The following ZBTB20 variants were observed in gnomAD, a reference collection of about 807,000 sequenced individuals.
ZBTB20 encodes the protein zinc finger and BTB domain containing 20.
ZBTB20 carries 9 observed loss-of-function variants against 56.9 expected under a neutral mutation model. The observed-to-expected ratio is 0.16, with a 90% CI of 0.10 to 0.28. The LOEUF (loss-of-function observed/expected upper bound fraction) is 0.28, where lower values mean the gene tolerates loss of function less well. Ranked by LOEUF, ZBTB20 falls within the 10% of genes least tolerant of loss-of-function variation. The pLI, the probability that ZBTB20 is intolerant of heterozygous loss-of-function variation, is 1.00. For synonymous variants in ZBTB20, 417 were observed against 420.7 expected (o/e 0.99, Z 0.11); for missense variants, 655 against 1,003.0 (o/e 0.65, Z 4.69).
At position 115,015,119 on chromosome 3, in the gene ZBTB20, G is replaced by T. The variant is rs2079892502; in HGVS notation, c.-506-40703C>A. Among the ~76,000 whole-genome samples, 4 of 151,700 alleles carry T rather than the reference G, an allele frequency of 2.6e-5. No individual in the cohort carries two copies. In the South Asian group the frequency reaches 8.3e-4, roughly 31 times the overall value. The stretch of plus-strand genomic sequence containing the variant: ...AGATGCCCTATATGCTATGCAAGTA[G>T]AAATCATTGCTTATCATTTTAATGT... On this transcript the variant is annotated intron_variant, in intron 2 of 11. Transcript: ENST00000675478.
intron 5 of ZBTB20, among the ~76,000 whole-genome samples, 199 bp downstream of exon 5, chr3:114,800,902 A>G (rs768034724): frequency 2.6e-5 from 4 of 151,862 alleles, no homozygotes; most frequent in Non-Finnish European, 5.9e-5. Flanking sequence ...AGGATTCACA[A>G]TTTAGGTTGG....
At chr3:114,880,371 C>T (rs1200618347) in intron 4 of ZBTB20, among the ~76,000 whole-genome samples, 1 of 152,140 alleles carries the variant, frequency 6.6e-6, no homozygotes, top group Non-Finnish European at 1.5e-5. Flanking sequence ...CCTCTTCCCA[C>T]CTCTTTGTAT....
chr3:114,961,251 A>G (rs73857874), intron 3 of ZBTB20, among the ~76,000 whole-genome samples: 14,062 of 151,736 alleles, frequency 0.093, 1,916 homozygotes, highest in African/African-American at 0.3. Context: ...TCATAAGCCC[A>G]GGAAAAGGAT....
intron 1 of ZBTB20, among the ~76,000 whole-genome samples, chr3:115,125,249 A>C (rs2084294540): frequency 6.6e-6 from 1 of 152,082 alleles, no homozygotes; most frequent in Non-Finnish European, 1.5e-5. Context: ...AGGTTGAGAC[A>C]GGATGATCCC....
chr3:115,114,661 T>C (rs2083969364), intron 1 of ZBTB20, among the ~76,000 whole-genome samples: 2 of 152,114 alleles, frequency 1.3e-5, no homozygotes, highest in African/African-American at 4.8e-5. Context: ...TAGAAACTAG[T>C]TTTACAAATA....
intron 6 of ZBTB20, among the ~76,000 whole-genome samples, chr3:114,579,849 A>G (rs2054467512): frequency 6.6e-6 from 1 of 151,712 alleles, no homozygotes; most frequent in African/African-American, 2.4e-5. Context: ...AAAATTGACT[A>G]GAGAAGAATC....
At chr3:114,716,205 A>T (rs1251713620) in intron 5 of ZBTB20, among the ~76,000 whole-genome samples, 1 of 152,136 alleles carries the variant, frequency 6.6e-6, no homozygotes, top group Non-Finnish European at 1.5e-5. Context: ...AACATTTTGC[A>T]GTTCTCCTTA....
At chr3:115,092,594 A>G (rs934791374) in intron 1 of ZBTB20, among the ~76,000 whole-genome samples, 1 of 152,116 alleles carries the variant, frequency 6.6e-6, no homozygotes, top group African/African-American at 2.4e-5. Context: ...CAGCTTTGCC[A>G]TTAGGAAGTC....
At chr3:114,659,080 T>G (rs2060574522) in intron 6 of ZBTB20, among the ~76,000 whole-genome samples, 1 of 152,202 alleles carries the variant, frequency 6.6e-6, no homozygotes, top group African/African-American at 2.4e-5. Flanking sequence ...TATTTTGTTT[T>G]GCTTTTCTTT....
At chr3:114,839,782 A>G (rs1579101217) in intron 4 of ZBTB20, among the ~76,000 whole-genome samples, 1 of 152,350 alleles carries the variant, frequency 6.6e-6, no homozygotes, top group South Asian at 2.1e-4. Context: ...GCAGAAGGCC[A>G]TGTGAAGACA....
chr3:115,029,738 A>AAT (rs2080586865), intron 2 of ZBTB20, among the ~76,000 whole-genome samples: 1 of 150,890 alleles, frequency 6.6e-6, no homozygotes, highest in Non-Finnish European at 1.5e-5. Context: ...ATCAAAATAA[A>AAT]ATTCCAGATG....
At chr3:114,950,466 G>GT (rs990994585) in intron 3 of ZBTB20, among the ~76,000 whole-genome samples, 5 of 152,002 alleles carry the variant, frequency 3.3e-5, no homozygotes, top group African/African-American at 1.2e-4. Context: ...AGCCCTTCTT[G>GT]TGATGATATG....
intron 3 of ZBTB20, among the ~76,000 whole-genome samples, chr3:114,908,484 G>A (rs1468702694): frequency 6.6e-6 from 1 of 151,968 alleles, no homozygotes; most frequent in Admixed American, 6.6e-5. Context: ...CCTCCTAATA[G>A]ATCTGGAATA....
chr3:115,036,264 G>GA lies in ZBTB20; in HGVS notation c.-507+34954dup, dbSNP rs200199638. 6.6e-4 allele frequency among the ~76,000 whole-genome samples: 97 copies of GA among 146,744 alleles called. No homozygotes were observed. In the East Asian group the frequency reaches 0.011, roughly 17 times the overall value. Reference sequence around the variant, plus strand: ...TGTATTTTACTACAATAAAAAAGTTGAAAAAAAAATGAAAGAAAAGCTTTG... The same window carrying GA: ...TGTATTTTACTACAATAAAAAAGTTGAAAAAAAAAATGAAAGAAAAGCTTTG... On this transcript the variant is annotated intron_variant, in intron 2 of 11. Transcript: ENST00000675478.
intron 4 of ZBTB20, among the ~76,000 whole-genome samples, chr3:114,898,473 A>C (rs1050950211): frequency 6.6e-6 from 1 of 152,156 alleles, no homozygotes; most frequent in African/African-American, 2.4e-5. Context: ...CAGTATTCTC[A>C]TATCTATGTA....
At chr3:114,570,406 T>C (rs1376221799) in intron 6 of ZBTB20, among the ~76,000 whole-genome samples, 2 of 150,672 alleles carry the variant, frequency 1.3e-5, no homozygotes, top group South Asian at 2.1e-4. Context: ...TAATATATTG[T>C]ATAATACAAT....
Position 114,334,038 on chromosome 3 carries a change from T to A in ZBTB20, c.*4967A>T, listed in dbSNP as rs1694734229. The A allele has an allele frequency of 6.6e-6, 1 of 152,244 alleles. No homozygotes were observed. Among genetic ancestry groups the A allele is most frequent in the Admixed American group, 6.5e-5 (1 of 15,288 alleles). 9.4% of individuals were successfully genotyped at this position (152,244 alleles called of 1,614,324 possible). A position where few individuals can be genotyped will look rare whatever the true frequency, so the allele number is the denominator to read the frequency against. On this transcript the variant is annotated 3_prime_UTR_variant, in exon 12 of 12. Coordinates refer to ENST00000675478, the MANE Select transcript of ZBTB20 (RefSeq NM_001348800.3). ...CCTGTTCTCCTAAATCTCAAGGGCA[T>A]CTCAGGTTGTGTCTGCTCTTACGTT...
At chr3:114,930,870 A>G in intron 3 of ZBTB20, 1 of 270,464 alleles carries the variant, frequency 3.7e-6, no homozygotes, top group South Asian at 5.4e-5. Context: ...GGGAGGCAGT[A>G]AATGTTACAG....
At chr3:114,780,167 T>A (rs889995873) in intron 5 of ZBTB20, among the ~76,000 whole-genome samples, 1 of 152,178 alleles carries the variant, frequency 6.6e-6, no homozygotes, top group African/African-American at 2.4e-5. Context: ...TAAAATGGTA[T>A]CTCCATCAAA....
Sources: allele counts gnomAD v4.1 joint callset (sites outside exome capture counted in the v4.1 genomes callset), GRCh38; gene constraint gnomAD v4.1.1; transcripts MANE v1.5; gene names NCBI Gene and HGNC (gene_info 2026-07-23, HGNC 2026-07-21).